Variants in CYP2J2 observed in about 807,000 individuals in gnomAD.
CYP2J2 encodes the protein cytochrome P450 family 2 subfamily J member 2.
Under a neutral mutation model 48.8 loss-of-function variants are expected in CYP2J2, and 41 were observed. The ratio of observed to expected loss-of-function variants is 0.84; its 90% CI spans 0.66 to 1.09. The LOEUF (loss-of-function observed/expected upper bound fraction) is 1.09. Ranked by LOEUF, CYP2J2 falls within the 50% of genes least tolerant of loss-of-function variation. The pLI, the probability that CYP2J2 is intolerant of heterozygous loss-of-function variation, is 0.00. For synonymous variants in CYP2J2, 221 were observed against 227.1 expected, an observed-to-expected ratio of 0.97 and a Z score of 0.24; for missense variants, 644 against 617.3, an observed-to-expected ratio of 1.04 and a Z score of -0.46.
chr1:59,958,888 T>C, the CYP2J2 span, among the ~76,000 whole-genome samples: 21 of 152,208 alleles, frequency 1.4e-4, no homozygotes. Flanking sequence ...TTCTAGTTTC[T>C]CTATTTTCTT....
intron 2 of CYP2J2, 67 bp downstream of exon 2, chr1:59,915,871 G>T (rs536330616): frequency 1.0e-4 from 150 of 1,440,290 alleles, no homozygotes; most frequent in Admixed American, 2.0e-4. Context: ...CAGTCACCAA[G>T]GTGCCTTTAA....
chr1:59,931,461 A>G (rs550479133), upstream of CYP2J2, among the ~76,000 whole-genome samples: 55 of 152,230 alleles, frequency 3.6e-4, no homozygotes, highest in Non-Finnish European at 6.8e-4. Flanking sequence ...AAAGTTTGAC[A>G]TTGTGTACAT....
intron 2 of CYP2J2, among the ~76,000 whole-genome samples, chr1:59,915,717 T>C (rs964273715): frequency 6.6e-6 from 1 of 152,152 alleles, no homozygotes; most frequent in Non-Finnish European, 1.5e-5. Context: ...GGGCAGGGCA[T>C]GTGGTTTCTC....
At chr1:59,949,600 T>C in the CYP2J2 span, among the ~76,000 whole-genome samples, 1 of 151,978 alleles carries the variant, frequency 6.6e-6, no homozygotes, top group African/African-American at 2.4e-5. Context: ...TTCCATAAAG[T>C]CTCAAACAAT....
At chr1:59,967,724 TGAG>T in the CYP2J2 span, among the ~76,000 whole-genome samples, 244 of 152,346 alleles carry the variant, frequency 1.6e-3, no homozygotes, top group African/African-American at 5.6e-3. Flanking sequence ...CCCTATCTCA[TGAG>T]AAGAAATAGG....
intron 8 of CYP2J2, among the ~76,000 whole-genome samples, chr1:59,899,922 A>G (rs1356909457): frequency 6.6e-6 from 1 of 152,240 alleles, no homozygotes; most frequent in Non-Finnish European, 1.5e-5. Context: ...AATTATTTGA[A>G]ATAATCTATG....
intron 1 of CYP2J2, among the ~76,000 whole-genome samples, chr1:59,925,324 T>C (rs1345655497): frequency 2.0e-5 from 3 of 152,324 alleles, no homozygotes; most frequent in Admixed American, 6.5e-5. Context: ...ATCAATTACT[T>C]CACCCAACAA....
chr1:59,895,988 T>C (rs1644265549), intron 8 of CYP2J2, among the ~76,000 whole-genome samples: 1 of 152,222 alleles, frequency 6.6e-6, no homozygotes, highest in African/African-American at 2.4e-5. Context: ...CATTACTTGT[T>C]CTGATGCTCA....
chr1:59,921,888 T>G (rs1180533667), intron 1 of CYP2J2, among the ~76,000 whole-genome samples: 1 of 152,200 alleles, frequency 6.6e-6, no homozygotes, highest in African/African-American at 2.4e-5. Flanking sequence ...AATTCTTATC[T>G]CTGTATACTG....
At chr1:59,919,157 G>C (rs1644491562) in intron 1 of CYP2J2, among the ~76,000 whole-genome samples, 2 of 152,306 alleles carry the variant, frequency 1.3e-5, no homozygotes, top group Admixed American at 1.3e-4. Flanking sequence ...GCGAGAGAGA[G>C]AGAGAGATCC....
the CYP2J2 span, among the ~76,000 whole-genome samples, chr1:59,950,024 A>G: frequency 6.6e-6 from 1 of 152,170 alleles, no homozygotes; most frequent in Non-Finnish European, 1.5e-5. Flanking sequence ...AGCATAGTCC[A>G]ATTCAAAGAC....
chr1:59,968,579 T>C, the CYP2J2 span, among the ~76,000 whole-genome samples: 1 of 152,240 alleles, frequency 6.6e-6, no homozygotes, highest in African/African-American at 2.4e-5. Flanking sequence ...TTGCAGAGTA[T>C]GGGGCATCCC....
At chr1:59,928,168 G>T (rs1041180285), upstream of CYP2J2, among the ~76,000 whole-genome samples, 1 of 152,056 alleles carries the variant, frequency 6.6e-6, no homozygotes, top group Non-Finnish European at 1.5e-5. Flanking sequence ...TGGACGTCAG[G>T]TTTGTTATAT....
intron 1 of CYP2J2, among the ~76,000 whole-genome samples, chr1:59,924,578 T>C (rs1032405365): frequency 6.6e-6 from 1 of 152,104 alleles, no homozygotes; most frequent in Non-Finnish European, 1.5e-5. Context: ...GGTAGTAAAA[T>C]TTTTACACTA....
the CYP2J2 span, among the ~76,000 whole-genome samples, chr1:59,935,017 T>TATATATATATATATATAC: frequency 1.8e-4 from 6 of 33,192 alleles, no homozygotes; most frequent in Admixed American, 6.1e-4. Flanking sequence ...TATATATACA[T>TATATATATATATATATAC]ATATATATAT....
chr1:59,916,224 C>CGTGT lies in CYP2J2; in HGVS notation c.211-128_211-125dup, dbSNP rs147421653. The CGTGT allele has an allele frequency of 3.5e-3, 2,087 of 601,180 alleles. 1 individual carries two copies. Among genetic ancestry groups the CGTGT allele is most frequent in the Non-Finnish European group, 4.1e-3 (1,470 of 357,898 alleles). The allele number at this position is 601,180 out of a possible 1,614,324, so 37.2% of individuals were successfully genotyped here. A position where few individuals can be genotyped will look rare whatever the true frequency, so the allele number is the denominator to read the frequency against. On this transcript the variant is annotated intron_variant, in intron 1 of 8. Coordinates refer to ENST00000371204, the MANE Select transcript of CYP2J2 (RefSeq NM_000775.4). ...GCGTGTGTCTGTGTCTGTGTGTGTA[C>CGTGT]GTGTGTGTGTGTGTGTGTGTGAGTG...
chr1:59,912,073 C>T (rs1644421501), intron 3 of CYP2J2, 89 bp downstream of exon 3: 3 of 1,360,994 alleles, frequency 2.2e-6, no homozygotes, highest in Non-Finnish European at 3.0e-6. Flanking sequence ...CAGTGCTGGG[C>T]ATAGAACAAG....
At chr1:59,961,354 G>A in the CYP2J2 span, among the ~76,000 whole-genome samples, 1 of 152,270 alleles carries the variant, frequency 6.6e-6, no homozygotes, top group Admixed American at 6.5e-5. Flanking sequence ...ATGTATGAGT[G>A]CCCAAGAAGC....
chr1:59,926,504 C>A, intron 1 of CYP2J2, 33 bp downstream of exon 1: 2 of 1,577,740 alleles, frequency 1.3e-6, no homozygotes, highest in South Asian at 1.1e-5. Flanking sequence ...GAGTTAGGGT[C>A]AGGACACGCT....
Sources: gnomAD v4.1 joint callset for allele counts (sites outside exome capture counted in the v4.1 genomes callset) on GRCh38, gnomAD v4.1.1 for gene constraint, MANE v1.5 for transcripts, NCBI Gene and HGNC (gene_info 2026-07-23, HGNC 2026-07-21) for gene names.